The following IL23R variants were observed in gnomAD, a reference collection of about 807,000 sequenced individuals.
IL23R encodes the protein interleukin 23 receptor.
A neutral mutation model predicts 56.9 loss-of-function variants in IL23R; 34 were observed. That is an observed-to-expected ratio of 0.60 (90% CI 0.45 to 0.80). The LOEUF (loss-of-function observed/expected upper bound fraction) is 0.80, where lower values mean the gene tolerates loss of function less well. Among genes scored for constraint, IL23R ranks in the 30% least tolerant of loss-of-function variants. The pLI, the probability that IL23R is intolerant of heterozygous loss-of-function variation, is 0.00. For synonymous variants in IL23R, 230 were observed against 249.2 expected (o/e 0.92, Z 0.73); for missense variants, 635 against 730.0 (o/e 0.87, Z 1.50).
intron 4 of IL23R, among the ~76,000 whole-genome samples, chr1:67,188,109 C>A (rs1261054512): frequency 1.2e-4 from 19 of 152,156 alleles, no homozygotes; most frequent in Non-Finnish European, 2.6e-4. Context: ...CTTAAATAGA[C>A]ATGGACTTAT....
chr1:67,257,967 G>T (rs1653041995), intron 10 of IL23R, among the ~76,000 whole-genome samples: 1 of 152,194 alleles, frequency 6.6e-6, no homozygotes, highest in African/African-American at 2.4e-5. Flanking sequence ...GCCTCAAAGT[G>T]CTGGGATTAC....
At chr1:67,164,476 CA>C (rs893191971), upstream of IL23R, among the ~76,000 whole-genome samples, 9 of 151,610 alleles carry the variant, frequency 5.9e-5, no homozygotes, top group East Asian at 1.7e-3. Flanking sequence ...CTACTAAATA[CA>C]AAAAAAATTA....
intron 4 of IL23R, among the ~76,000 whole-genome samples, chr1:67,192,136 T>C (rs531526816): frequency 6.6e-6 from 1 of 152,306 alleles, no homozygotes; most frequent in Non-Finnish European, 1.5e-5. Context: ...TGTGAGCTAT[T>C]TAGGAACAGA....
At chr1:67,205,917 T>TTCTTTC (rs1553291068) in intron 5 of IL23R, among the ~76,000 whole-genome samples, 18 of 144,850 alleles carry the variant, frequency 1.2e-4, no homozygotes, top group African/African-American at 3.9e-4. Context: ...CTTTCTTTCT[T>TTCTTTC]TCTTTCTTTT....
downstream of IL23R, among the ~76,000 whole-genome samples, chr1:67,260,272 T>C (rs1653160499): frequency 6.6e-6 from 1 of 152,162 alleles, no homozygotes; most frequent in African/African-American, 2.4e-5. Context: ...GGCCTTGTTT[T>C]CCTGTGGCAT....
intron 6 of IL23R, chr1:67,207,580 G>T (rs1649164433): frequency 5.5e-6 from 2 of 366,022 alleles, no homozygotes; most frequent in Admixed American, 3.3e-5. Flanking sequence ...CACGAGATCT[G>T]ATGCGTTTAT....
chr1:67,146,257 T>C (rs1031671141), intron 1 of IL23R, among the ~76,000 whole-genome samples: 3 of 152,288 alleles, frequency 2.0e-5, no homozygotes, highest in Non-Finnish European at 4.4e-5. Context: ...TCAAAAGTGA[T>C]AATTTTGTGG....
In IL23R at chr1:67,169,373, C is replaced by A; in HGVS notation, c.102C>A (p.Ile34=). 1.9e-6 allele frequency: 3 copies of A among 1,612,658 alleles called. No individual in the cohort carries two copies. The highest frequency in any genetic ancestry group is 2.5e-6 in the Non-Finnish European group (3 of 1,179,030). Residue 34 remains isoleucine (I), a synonymous_variant, in exon 3 of 11, where the codon ATC becomes ATA. Coordinates refer to ENST00000347310, the MANE Select transcript of IL23R (RefSeq NM_144701.3). The stretch of plus-strand genomic sequence containing the variant: ...CAAATATAAACTGCTCTGGCCACAT[C>A]TGGGTAGAACCAGCCACAATTTTTA... ...GITNINCSGH[I]WVEPATIFKM...
At chr1:67,180,570 T>C (rs1387925994) in intron 3 of IL23R, among the ~76,000 whole-genome samples, 1 of 152,220 alleles carries the variant, frequency 6.6e-6, no homozygotes, top group Non-Finnish European at 1.5e-5. Flanking sequence ...TGACTCTTTA[T>C]CCAATTTGCC....
intron 7 of IL23R, among the ~76,000 whole-genome samples, chr1:67,234,262 T>A (rs1651309172): frequency 6.6e-6 from 1 of 152,234 alleles, no homozygotes; most frequent in African/African-American, 2.4e-5. Flanking sequence ...ATTTCTTCTC[T>A]GACAATTTTG....
chr1:67,254,226 T>G (rs1652817240), intron 9 of IL23R, among the ~76,000 whole-genome samples: 1 of 151,868 alleles, frequency 6.6e-6, no homozygotes, highest in African/African-American at 2.4e-5. Flanking sequence ...ACACCACCAT[T>G]TCCAACTAAT....
intron 9 of IL23R, among the ~76,000 whole-genome samples, chr1:67,242,461 A>G (rs1397286565): frequency 4.6e-5 from 7 of 152,224 alleles, no homozygotes; most frequent in Non-Finnish European, 8.8e-5. Context: ...TAAGAGTCTC[A>G]TGATAGTAGA....
In IL23R at chr1:67,237,695, G is replaced by A. The variant is rs376669301; in HGVS notation, c.1045+893G>A. On this transcript the variant is annotated intron_variant, in intron 8 of 10. Transcript: ENST00000347310. ...TAAACGTTTTAGGCGTAAAAAAATT[G>A]AGATCTGGTTGTACAATGGGTGAAC... is the stretch of plus-strand genomic sequence containing the variant. 2.0e-3 allele frequency among the ~76,000 whole-genome samples: 303 copies of A among 152,258 alleles called. 4 individuals are homozygous for A. The highest frequency in any genetic ancestry group is 0.014 in the South Asian group (69 of 4,816).
chr1:67,248,791 C>T (rs916184625), intron 9 of IL23R, among the ~76,000 whole-genome samples: 1 of 152,106 alleles, frequency 6.6e-6, no homozygotes, highest in Non-Finnish European at 1.5e-5. Flanking sequence ...ACCCACTGAG[C>T]CAGGCACCGG....
chr1:67,263,648 C>A (rs914033153), downstream of IL23R, among the ~76,000 whole-genome samples: 1 of 152,148 alleles, frequency 6.6e-6, no homozygotes, highest in Non-Finnish European at 1.5e-5. Flanking sequence ...CAGTGGCTCA[C>A]GCCTGTAATT....
chr1:67,153,858 C>T (rs1484108807), intron 1 of IL23R, among the ~76,000 whole-genome samples: 1 of 152,058 alleles, frequency 6.6e-6, no homozygotes, highest in Non-Finnish European at 1.5e-5. Flanking sequence ...CTCCGCCTCC[C>T]AGGTTCACTC....
At chr1:67,209,710 G>A (rs1251125509) in intron 6 of IL23R, among the ~76,000 whole-genome samples, 2 of 152,116 alleles carry the variant, frequency 1.3e-5, no homozygotes, top group Non-Finnish European at 2.9e-5. Context: ...CCAGTGTTTA[G>A]CTCCCACTCA....
chr1:67,221,309 A>G (rs1570877985), intron 7 of IL23R, among the ~76,000 whole-genome samples: 1 of 152,202 alleles, frequency 6.6e-6, no homozygotes, highest in Non-Finnish European at 1.5e-5. Context: ...TGACAGAGTG[A>G]GACTCCATCT....
At chr1:67,149,012 G>C (rs1258297759) in intron 1 of IL23R, among the ~76,000 whole-genome samples, 1 of 152,152 alleles carries the variant, frequency 6.6e-6, no homozygotes, top group East Asian at 1.9e-4. Flanking sequence ...AATGATAGTG[G>C]TGTTAAACCA....
Sources: gnomAD v4.1 joint callset for allele counts (sites outside exome capture counted in the v4.1 genomes callset) on GRCh38, gnomAD v4.1.1 for gene constraint, MANE v1.5 for transcripts, NCBI Gene and HGNC (gene_info 2026-07-23, HGNC 2026-07-21) for gene names.